The following KCNQ5 variants were observed in gnomAD, a reference collection of about 807,000 sequenced individuals.
KCNQ5 encodes potassium voltage-gated channel subfamily Q member 5, also known as potassium voltage-gated channel subfamily KQT member 5.
Under a neutral mutation model 98.2 loss-of-function variants are expected in KCNQ5, and 30 were observed. That is an observed-to-expected ratio of 0.31 (90% CI 0.23 to 0.41). The LOEUF is 0.41. Among genes scored for constraint, KCNQ5 ranks in the 10% least tolerant of loss-of-function variants. The pLI, the probability that KCNQ5 is intolerant of heterozygous loss-of-function variation, is 1.00. For missense variants in KCNQ5, 835 were observed against 1,182.5 expected, an observed-to-expected ratio of 0.71 and a Z score of 4.31; for synonymous variants, 458 against 449.4, an observed-to-expected ratio of 1.02 and a Z score of -0.24.
At chr6:73,115,198 G>A (rs1402868583) in intron 7 of KCNQ5, among the ~76,000 whole-genome samples, 6 of 150,936 alleles carry the variant, frequency 4.0e-5, no homozygotes, top group African/African-American at 1.5e-4. Context: ...ATGAAGGCAG[G>A]AAAAAAAACA....
intron 3 of KCNQ5, among the ~76,000 whole-genome samples, chr6:73,057,048 A>G (rs956595262): frequency 6.6e-6 from 1 of 152,222 alleles, no homozygotes; most frequent in African/African-American, 2.4e-5. Flanking sequence ...TTGCAGCACT[A>G]TTCACAATAG....
chr6:72,867,604 A>G (rs1465226203), intron 1 of KCNQ5, among the ~76,000 whole-genome samples: 1 of 152,176 alleles, frequency 6.6e-6, no homozygotes, highest in African/African-American at 2.4e-5. Flanking sequence ...AACCCAAAGA[A>G]AAGAAATTGC....
At chr6:73,141,190 G>A (rs753260015) in intron 10 of KCNQ5, among the ~76,000 whole-genome samples, 25 of 152,202 alleles carry the variant, frequency 1.6e-4, no homozygotes, top group Non-Finnish European at 3.1e-4. Context: ...CCACTTCCAC[G>A]TGATGGAAAG....
At chr6:72,708,250 AT>A (rs1445027670) in intron 1 of KCNQ5, among the ~76,000 whole-genome samples, 1 of 151,994 alleles carries the variant, frequency 6.6e-6, no homozygotes, top group Non-Finnish European at 1.5e-5. Flanking sequence ...CATGACTTTT[AT>A]TTTTTTCAAA....
At chr6:73,113,581 C>T (rs1775350805) in intron 7 of KCNQ5, among the ~76,000 whole-genome samples, 1 of 152,248 alleles carries the variant, frequency 6.6e-6, no homozygotes, top group Non-Finnish European at 1.5e-5. Flanking sequence ...GCTGCCATAC[C>T]ATACAAAAGA....
At chr6:72,698,976 G>A (rs888300321) in intron 1 of KCNQ5, among the ~76,000 whole-genome samples, 2 of 152,020 alleles carry the variant, frequency 1.3e-5, no homozygotes, top group Non-Finnish European at 2.9e-5. Flanking sequence ...GTTTTCTTAA[G>A]GATTTATTAT....
In KCNQ5 at chr6:72,846,515, GAA is replaced by G. The variant is rs201092733; in HGVS notation, c.399-157380_399-157379del. 5.5e-3 allele frequency among the ~76,000 whole-genome samples: 783 copies of G among 141,892 alleles called. 10 individuals are homozygous for G. The highest frequency in any genetic ancestry group is 0.017 in the African/African-American group (680 of 39,632). The allele number at this position is 141,892 out of a possible 152,430, so 93.1% of individuals were successfully genotyped here. The stretch of plus-strand genomic sequence containing the variant: ...ATAGTGAGACCTCATCTCTACAGGG[GAA>G]AAAAAAAAAAAATAGCCAGGCAAGG... On this transcript the variant is annotated intron_variant, in intron 1 of 13. Coordinates refer to ENST00000370398, the MANE Select transcript of KCNQ5 (RefSeq NM_019842.4).
intron 1 of KCNQ5, among the ~76,000 whole-genome samples, chr6:72,718,729 G>A (rs1361237061): frequency 2.0e-5 from 3 of 152,010 alleles, no homozygotes; most frequent in Admixed American, 6.6e-5. Context: ...GATTAGAGGC[G>A]TGAGCCACCG....
chr6:72,774,268 G>A (rs1374107561), intron 1 of KCNQ5, among the ~76,000 whole-genome samples: 1 of 152,064 alleles, frequency 6.6e-6, no homozygotes, highest in Non-Finnish European at 1.5e-5. Context: ...TTCCATGGTA[G>A]CACAAAATAA....
chr6:72,872,530 G>T (rs1378000002), intron 1 of KCNQ5, among the ~76,000 whole-genome samples: 1 of 152,010 alleles, frequency 6.6e-6, no homozygotes, highest in African/African-American at 2.4e-5. Flanking sequence ...ATCTTTACAT[G>T]GATTATTTCA....
intron 1 of KCNQ5, among the ~76,000 whole-genome samples, chr6:72,913,845 A>G (rs1042194673): frequency 6.6e-6 from 1 of 152,220 alleles, no homozygotes; most frequent in Non-Finnish European, 1.5e-5. Flanking sequence ...GTGTATTTTT[A>G]TGCTTAGGTT....
At chr6:73,116,671 G>C (rs1775510607) in intron 7 of KCNQ5, among the ~76,000 whole-genome samples, 1 of 152,020 alleles carries the variant, frequency 6.6e-6, no homozygotes, top group Admixed American at 6.6e-5. Flanking sequence ...GTATGACCCT[G>C]TCTCAAAAAT....
intron 1 of KCNQ5, chr6:72,987,777 T>A (rs1196144840): frequency 4.6e-6 from 2 of 438,222 alleles, no homozygotes; most frequent in Middle Eastern, 7.8e-4. Flanking sequence ...CCCTCAAAAC[T>A]GCCACAATTG....
At chr6:72,751,550 A>T (rs1051746610) in intron 1 of KCNQ5, among the ~76,000 whole-genome samples, 8 of 152,244 alleles carry the variant, frequency 5.3e-5, no homozygotes, top group African/African-American at 1.9e-4. Flanking sequence ...ACCACTTGAA[A>T]CTGCCATTTT....
intron 10 of KCNQ5, among the ~76,000 whole-genome samples, chr6:73,164,456 T>C (rs1263895076): frequency 6.6e-6 from 1 of 152,200 alleles, no homozygotes; most frequent in Non-Finnish European, 1.5e-5. Context: ...CACAATCAGA[T>C]GCATTTGAGT....
At position 73,195,223 on chromosome 6, in the gene KCNQ5, T is replaced by C. The variant is rs747422631; in HGVS notation, c.2608T>C (p.Phe870Leu). ...FYPKWRESKL[F>L]ITDEEVGPEE... ...CCCCAAATGGAGGGAATCCAAATTG[T>C]TTATAACTGATGAAGAGGTGGGTCC... is the stretch of plus-strand genomic sequence containing the variant. The change falls in exon 14 of 14, where the codon TTT (phenylalanine) becomes CTT (leucine). Residue 870 changes from phenylalanine (F) to leucine (L), a missense_variant. By Grantham distance (22) the Phe-to-Leu change is conservative. Around this residue, in one of 10 missense-constraint regions of KCNQ5, gnomAD observed 416 missense variants for 446.9 expected, o/e 0.93. Transcript: ENST00000370398. 17 of 1,614,042 alleles carry C rather than the reference T, an allele frequency of 1.1e-5. No individual in the cohort carries two copies. The East Asian group carries it at 1.8e-4, about 17-fold the overall frequency.
intron 10 of KCNQ5, among the ~76,000 whole-genome samples, chr6:73,168,666 C>T (rs991437949): frequency 6.6e-6 from 1 of 151,568 alleles, no homozygotes; most frequent in Admixed American, 6.6e-5. Context: ...TGAGCCAGAT[C>T]GCACCACTGC....
chr6:72,642,168 T>C, intron 1 of KCNQ5, among the ~76,000 whole-genome samples: 1 of 147,590 alleles, frequency 6.8e-6, no homozygotes, highest in Non-Finnish European at 1.5e-5. Context: ...ATAAAGAGCG[T>C]GTTAAAAAGG....
At chr6:73,050,247 G>A (rs1409169278) in intron 3 of KCNQ5, among the ~76,000 whole-genome samples, 2 of 127,662 alleles carry the variant, frequency 1.6e-5, no homozygotes, top group African/African-American at 6.2e-5. Context: ...AGGAAGGAAA[G>A]AAGGAAGGAG....
Sources: allele counts gnomAD v4.1 joint callset (sites outside exome capture counted in the v4.1 genomes callset), GRCh38; gene constraint gnomAD v4.1.1; regional missense constraint gnomAD v4.1.1; transcripts MANE v1.5; gene names NCBI Gene and HGNC (gene_info 2026-07-23, HGNC 2026-07-21).